Variants in CYTIP observed in about 807,000 individuals in gnomAD.
CYTIP encodes the protein cytohesin-interacting protein.
Under a neutral mutation model 43.8 loss-of-function variants are expected in CYTIP, and 26 were observed. That is an observed-to-expected ratio of 0.59 (90% CI 0.44 to 0.82). CYTIP has a LOEUF of 0.82. Among genes scored for constraint, CYTIP ranks in the 40% least tolerant of loss-of-function variants. The probability of loss-of-function intolerance (pLI) is 0.00; values close to 1 mark genes in which losing one functional copy is unlikely to be tolerated. For missense variants in CYTIP, 426 were observed against 443.1 expected (o/e 0.96, Z 0.35); for synonymous variants, 162 against 162.9 (o/e 0.99, Z 0.04).
chr2:157,420,087 G>A (rs533364886), intron 6 of CYTIP, among the ~76,000 whole-genome samples: 1 of 152,200 alleles, frequency 6.6e-6, no homozygotes, highest in East Asian at 1.9e-4. Flanking sequence ...TGTAATCTCA[G>A]CACTTTAGGA....
At chr2:157,438,598 C>A (rs902604562) in intron 1 of CYTIP, among the ~76,000 whole-genome samples, 10 of 152,136 alleles carry the variant, frequency 6.6e-5, no homozygotes, top group Non-Finnish European at 4.4e-5. Flanking sequence ...TTACTCTGAT[C>A]TGATCACTGT....
At chr2:157,439,600 C>T (rs1413967033) in intron 1 of CYTIP, among the ~76,000 whole-genome samples, 1 of 152,212 alleles carries the variant, frequency 6.6e-6, no homozygotes, top group African/African-American at 2.4e-5. Context: ...CGCCAAAAAT[C>T]ATGAATGAGG....
chr2:157,426,810 G>T (rs1346424487), intron 6 of CYTIP, among the ~76,000 whole-genome samples: 2 of 152,084 alleles, frequency 1.3e-5, no homozygotes, highest in African/African-American at 4.8e-5. Flanking sequence ...AATTTTCAAT[G>T]GACCTCCTGC....
At chr2:157,417,488 G>A (rs1017926516) in intron 7 of CYTIP, among the ~76,000 whole-genome samples, 3 of 152,192 alleles carry the variant, frequency 2.0e-5, no homozygotes, top group Non-Finnish European at 4.4e-5. Flanking sequence ...TGCTCCAGAA[G>A]TGGAAATGAG....
chr2:157,429,507 G>C lies in CYTIP; in HGVS notation c.476+1052C>G, dbSNP rs565158638. Among the ~76,000 whole-genome samples the C allele has an allele frequency of 2.0e-3, 303 of 152,234 alleles. 2 individuals are homozygous for C. The highest frequency in any genetic ancestry group is 7.0e-3 in the African/African-American group (289 of 41,524). On this transcript the variant is annotated intron_variant, in intron 5 of 7. Coordinates refer to ENST00000264192, the MANE Select transcript of CYTIP (RefSeq NM_004288.5). ...CATTACTTAAATTTCAGGCTTTTCT[G>C]AGCCATTTCCTTCCATAACTATTAA...
At chr2:157,428,446 G>A (rs1017770234) in intron 5 of CYTIP, among the ~76,000 whole-genome samples, 1 of 152,204 alleles carries the variant, frequency 6.6e-6, no homozygotes, top group Non-Finnish European at 1.5e-5. Flanking sequence ...TTGACTCTCT[G>A]AGAAATAGTG....
chr2:157,416,246 G>A, intron 7 of CYTIP, 103 bp from the exon 8 acceptor site: 1 of 977,800 alleles, frequency 1.0e-6, no homozygotes. Flanking sequence ...AAGAGTAAGG[G>A]TGAAAAATAC....
chr2:157,437,177 C>A (rs1685823228), intron 1 of CYTIP, among the ~76,000 whole-genome samples: 1 of 151,840 alleles, frequency 6.6e-6, no homozygotes, highest in Non-Finnish European at 1.5e-5. Context: ...ATGAATAAGA[C>A]CTTCAAAAAA....
intron 7 of CYTIP, among the ~76,000 whole-genome samples, chr2:157,417,887 A>G (rs567621348): frequency 7.2e-5 from 11 of 152,240 alleles, no homozygotes; most frequent in Non-Finnish European, 1.5e-4. Flanking sequence ...TAGTGGTTTC[A>G]GTGAATTATT....
intron 1 of CYTIP, among the ~76,000 whole-genome samples, chr2:157,437,409 A>G (rs1013947773): frequency 6.6e-6 from 1 of 152,156 alleles, no homozygotes; most frequent in African/African-American, 2.4e-5. Context: ...CCTCAAAGGA[A>G]GCTATACAAG....
At chr2:157,434,816 C>T (rs1292698798) in intron 1 of CYTIP, 69 bp from the exon 2 acceptor site, 18 of 92,836 alleles carry the variant, frequency 1.9e-4, no homozygotes, top group Non-Finnish European at 1.3e-4. Flanking sequence ...TTCTAAATCT[C>T]TCTCTCTCTC....
chr2:157,440,058 T>C (rs1685879790), intron 1 of CYTIP, among the ~76,000 whole-genome samples: 1 of 152,184 alleles, frequency 6.6e-6, no homozygotes, highest in Admixed American at 6.5e-5. Flanking sequence ...CCCCACTCTA[T>C]ATACTCATCT....
intron 3 of CYTIP, chr2:157,434,067 CT>C (rs1558940639): frequency 2.4e-6 from 1 of 413,664 alleles, no homozygotes; most frequent in African/African-American, 2.1e-5. Context: ...ATGTATTTCA[CT>C]CTCTTATCTA....
At chr2:157,430,718 T>C (rs1224765765) in intron 4 of CYTIP, 66 bp from the exon 5 acceptor site, 1 of 1,519,274 alleles carries the variant, frequency 6.6e-7, no homozygotes, top group Non-Finnish European at 9.1e-7. Flanking sequence ...GACATGCAAA[T>C]GAAACAAGCA....
At chr2:157,418,702 T>G (rs1685477403) in intron 6 of CYTIP, 113 bp from the exon 7 acceptor site, 1 of 895,654 alleles carries the variant, frequency 1.1e-6, no homozygotes. Context: ...CCTTTCTTTC[T>G]AGTACTACCA....
At chr2:157,438,651 G>A (rs1339862655) in intron 1 of CYTIP, among the ~76,000 whole-genome samples, 2 of 151,840 alleles carry the variant, frequency 1.3e-5, no homozygotes, top group Non-Finnish European at 2.9e-5. Flanking sequence ...CCATGAGTAT[G>A]TATGATTATA....
intron 5 of CYTIP, among the ~76,000 whole-genome samples, chr2:157,428,625 C>T (rs57546298): frequency 0.016 from 2,497 of 152,300 alleles, 21 homozygotes; most frequent in East Asian, 0.068. Flanking sequence ...ATCTACAACC[C>T]CTATTTACCT....
chr2:157,434,634 A>AG, intron 2 of CYTIP, 64 bp downstream of exon 2: 1 of 1,273,382 alleles, frequency 7.9e-7, no homozygotes, highest in Non-Finnish European at 1.1e-6. Flanking sequence ...AGAGGAAAAA[A>AG]CAGTCTGGAG....
intron 5 of CYTIP, among the ~76,000 whole-genome samples, chr2:157,428,361 C>T (rs867455473): frequency 1.3e-5 from 2 of 152,198 alleles, no homozygotes; most frequent in Admixed American, 6.5e-5. Context: ...CAGTCTTCTA[C>T]TTCTAATAGC....
Sources: gnomAD v4.1 joint callset for allele counts (sites outside exome capture counted in the v4.1 genomes callset) on GRCh38, gnomAD v4.1.1 for gene constraint, MANE v1.5 for transcripts, NCBI Gene and HGNC (gene_info 2026-07-23, HGNC 2026-07-21) for gene names.